ZNF200: variants seen among roughly 807,000 people sequenced by gnomAD.
ZNF200 encodes the protein zinc finger protein 200.
ZNF200 carries 35 observed loss-of-function variants against 33.6 expected under a neutral mutation model. The observed-to-expected ratio is 1.04, with a 90% CI of 0.80 to 1.38. The LOEUF is 1.38. ZNF200 is among the 40% of genes most tolerant of loss of function. The pLI, the probability that ZNF200 is intolerant of heterozygous loss-of-function variation, is 0.00. For synonymous variants in ZNF200, 209 were observed against 167.7 expected, an observed-to-expected ratio of 1.25 and a Z score of -1.90; for missense variants, 592 against 470.6, an observed-to-expected ratio of 1.26 and a Z score of -2.39.
intron 3 of ZNF200, 92 bp downstream of exon 3, chr16:3,232,741 A>G (rs968420690): frequency 6.2e-6 from 9 of 1,462,158 alleles, no homozygotes; most frequent in South Asian, 1.2e-5. Context: ...AACACCCAAG[A>G]AGGCCAACTC....
chr16:3,233,539 T>G lies in ZNF200; in HGVS notation c.217A>C (p.Met73Leu). 1 of 1,578,818 alleles carries G rather than the reference T, an allele frequency of 6.3e-7. No individual in the cohort carries two copies. The highest frequency in any genetic ancestry group is 8.6e-7 in the Non-Finnish European group (1 of 1,163,520). ...SQKVKETLVIMKDVSSSLQNR... is the reference protein window; with the variant it reads ...SQKVKETLVILKDVSSSLQNR... The stretch of plus-strand genomic sequence containing the variant: ...TGAAGGCTTGAGCTCACATCTTTCA[T>G]AATAACCAAGGTCTCCTTGACTTTC... The change falls in exon 2 of 5, where the codon ATG becomes CTG. Residue 73 changes from methionine (M) to leucine (L), a missense_variant. Physicochemically the swap from Met to Leu is conservative, Grantham distance 15. Transcript: ENST00000414144.
chr16:3,224,327 C>T lies in ZNF200; in HGVS notation c.753G>A (p.Trp251Ter), dbSNP rs769461560. Residue 251 changes from tryptophan to a stop codon, truncating the protein, a stop_gained, in exon 5 of 5, where the codon TGG becomes TGA. Transcript: ENST00000414144. LOFTEE classifies it high-confidence loss of function. ...ALTRNRRTRR[W>*]YTCPLCGKQF... is the part of the protein sequence containing the mutation. ...GTTTCCCACACAGTGGACAAGTGTA[C>T]CATCTCCTTGTCCTCCGATTTCGAG... 1.1e-5 allele frequency: 17 copies of T among 1,614,150 alleles called. No individual in the cohort carries two copies. The highest frequency in any genetic ancestry group is 1.4e-5 in the Non-Finnish European group (17 of 1,180,004).
intron 4 of ZNF200, among the ~76,000 whole-genome samples, chr16:3,230,035 C>T (rs543605398): frequency 1.6e-4 from 25 of 152,272 alleles, no homozygotes; most frequent in Non-Finnish European, 2.8e-4. Context: ...TTGATGCCAC[C>T]TCAAAATAAT....
At position 3,223,880 on chromosome 16, in the gene ZNF200, G is replaced by A; in HGVS notation, c.*12C>T. 6.3e-7 allele frequency: 1 copy of A among 1,595,318 alleles called. No individual in the cohort carries two copies. The highest frequency in any genetic ancestry group is 1.1e-5 in the South Asian group (1 of 88,432). On this transcript the variant is annotated 3_prime_UTR_variant, in exon 5 of 5. Coordinates refer to ENST00000414144, the MANE Select transcript of ZNF200 (RefSeq NM_198088.3). ...GAGGCAGCACCATCAGACCCAGAAA[G>A]GGTTCCCAGTATTACTTCTGCTTTC...
chr16:3,224,048 G>C lies in ZNF200; in HGVS notation c.1032C>G (p.Thr344=). The stretch of plus-strand genomic sequence containing the variant: ...GCACAAACTCCTCATTCTTTGGGAA[G>C]GTTTTCCCACATTCTGGACACTTAA... ...KIFKCPECGK[T]FPKNEEFVLH... The change falls in exon 5 of 5, where the codon ACC becomes ACG. Residue 344 remains threonine, a synonymous_variant. Transcript: ENST00000414144. 6.2e-7 allele frequency: 1 copy of C among 1,614,152 alleles called. No individual in the cohort carries two copies. Among genetic ancestry groups the C allele is most frequent in the African/African-American group, 1.3e-5 (1 of 75,036 alleles).
intron 4 of ZNF200, among the ~76,000 whole-genome samples, chr16:3,229,875 AG>A (rs1156263797): frequency 1.4e-3 from 217 of 150,178 alleles, no homozygotes; most frequent in Non-Finnish European, 2.2e-3. Flanking sequence ...AAAAAAAAAA[AG>A]AAGGAAACTT....
intron 4 of ZNF200, chr16:3,225,500 C>T (rs934334713): frequency 6.6e-6 from 1 of 152,064 alleles, no homozygotes; most frequent in African/African-American, 2.4e-5. Flanking sequence ...ACTAATGAAG[C>T]TTTGGGATTA....
chr16:3,228,376 G>C (rs377302813), intron 4 of ZNF200, among the ~76,000 whole-genome samples: 1 of 151,952 alleles, frequency 6.6e-6, no homozygotes, highest in African/African-American at 2.4e-5. Flanking sequence ...TTTGTTAAAT[G>C]TTCTTATAAA....
At chr16:3,224,762 T>G in intron 4 of ZNF200, 149 bp from the exon 5 acceptor site, 2 of 955,984 alleles carry the variant, frequency 2.1e-6, no homozygotes, top group South Asian at 3.5e-5. Context: ...CCATACTTAT[T>G]GAGGGTGGGA....
Position 3,224,018 on chromosome 16 carries a change from A to G in ZNF200, c.1062T>C (p.His354=). The G allele has an allele frequency of 6.2e-7, 1 of 1,614,188 alleles. No homozygotes were observed. Among genetic ancestry groups the G allele is most frequent in the Non-Finnish European group, 8.5e-7 (1 of 1,180,036 alleles). Residue 354 remains histidine (H), a synonymous_variant, in exon 5 of 5, where the codon CAT becomes CAC. Transcript: ENST00000414144. ...TFPKNEEFVL[H]LQSHEAERPY... is the part of the protein sequence containing the mutation. ...GTCTCTCAGCCTCATGACTCTGCAG[A>G]TGAAGCACAAACTCCTCATTCTTTG...
Position 3,223,534 on chromosome 16 carries a change from A to C in ZNF200, c.*358T>G, listed in dbSNP as rs1958383439. On this transcript the variant is annotated 3_prime_UTR_variant, in exon 5 of 5. Transcript: ENST00000414144. ...GTATGAATCCCCATGTGGGGGGAAA[A>C]CGGATATACTTTCAATAGACACAAG... The C allele has an allele frequency of 1.1e-5, 2 of 180,646 alleles. No individual in the cohort carries two copies. Among genetic ancestry groups the C allele is most frequent in the Admixed American group, 5.9e-5 (1 of 17,076 alleles). The allele number at this position is 180,646 out of a possible 1,614,324, so 11.2% of individuals were successfully genotyped here.
chr16:3,229,287 G>T (rs2141631169), intron 4 of ZNF200, among the ~76,000 whole-genome samples: 1 of 152,086 alleles, frequency 6.6e-6, no homozygotes, highest in East Asian at 1.9e-4. Flanking sequence ...GCTCATAAGA[G>T]AGCTCATGGC....
rs77243237 is a variant in ZNF200 at position 3,233,359 on chromosome 16, G to T, written c.250+147C>A. On this transcript the variant is annotated intron_variant, in intron 2 of 4. Transcript: ENST00000414144. ...GTGGCCTTACTCACACCCAGCACTT[G>T]AGAAGAACTTCCTCTTTCCAACACT... The T allele has an allele frequency of 3.5e-6, 4 of 1,150,620 alleles. No individual in the cohort carries two copies. The African/African-American group carries it at 6.3e-5, about 18-fold the overall frequency. 71.3% of individuals were successfully genotyped at this position (1,150,620 alleles called of 1,614,324 possible).
chr16:3,230,116 T>C (rs1233963704), intron 4 of ZNF200, among the ~76,000 whole-genome samples: 2 of 152,206 alleles, frequency 1.3e-5, no homozygotes, highest in Non-Finnish European at 2.9e-5. Flanking sequence ...CCTACTCTCT[T>C]TCTTCCTCTC....
At position 3,233,825 on chromosome 16, in the gene ZNF200, CAG is replaced by C; in HGVS notation, c.-72_-71del. On this transcript the variant is annotated 5_prime_UTR_variant, in exon 2 of 5. Transcript: ENST00000414144. ...CCACCTCTTACTAGAGGAAATCTGCCAGAGAGCCAAGCTGTAGACAGAGAAAC... is the reference window on the plus strand; with the variant it reads ...CCACCTCTTACTAGAGGAAATCTGCCAGAGCCAAGCTGTAGACAGAGAAAC... The C allele has an allele frequency of 6.5e-7, 1 of 1,532,274 alleles. No homozygotes were observed. 94.9% of individuals were successfully genotyped at this position (1,532,274 alleles called of 1,614,324 possible).
In ZNF200 at chr16:3,233,678, C is replaced by T. The variant is rs1958708734; in HGVS notation, c.78G>A (p.Lys26=). 6.2e-7 allele frequency: 1 copy of T among 1,613,868 alleles called. No individual in the cohort carries two copies. The stretch of plus-strand genomic sequence containing the variant: ...CATCTCGAAGTAGGTCTTGGCCCAG[C>T]TTGGAGTCTGGCGGAACTCTCAGTA... The part of the protein sequence containing the change: ...SFILRVPPDS[K]LGQDLLRDAT... The change falls in exon 2 of 5, where the codon AAG becomes AAA. Residue 26 remains lysine (K), a synonymous_variant. Transcript: ENST00000414144.
intron 4 of ZNF200, among the ~76,000 whole-genome samples, chr16:3,229,998 C>CA (rs1396624636): frequency 8.5e-5 from 13 of 152,218 alleles, no homozygotes; most frequent in Non-Finnish European, 4.4e-5. Context: ...GTGTCTGCAT[C>CA]ATGTGGGTAG....
At position 3,224,077 on chromosome 16, in the gene ZNF200, T is replaced by C; in HGVS notation, c.1003A>G (p.Ile335Val). The C allele has an allele frequency of 6.2e-7, 1 of 1,614,216 alleles. No individual in the cohort carries two copies. The highest frequency in any genetic ancestry group is 8.5e-7 in the Non-Finnish European group (1 of 1,180,040). ...TTCCCACATTCTGGACACTTAAATATCTTCTCCCTTATATGGATTCCTTCA... is the reference window on the plus strand; with the variant it reads ...TTCCCACATTCTGGACACTTAAATACCTTCTCCCTTATATGGATTCCTTCA... ...RHEGIHIREK[I>V]FKCPECGKTF... The change falls in exon 5 of 5, where the codon ATA becomes GTA. Residue 335 changes from isoleucine to valine, a missense_variant. Ile to Val is a conservative substitution (Grantham distance 29). Transcript: ENST00000414144.
In ZNF200 at chr16:3,233,692, G is replaced by GA; in HGVS notation, c.63dup (p.Pro22SerfsTer16). Reference sequence around the variant, plus strand: ...TCTTGGCCCAGCTTGGAGTCTGGCGGAACTCTCAGTATAAAGGACTGCTTT... The same window carrying GA: ...TCTTGGCCCAGCTTGGAGTCTGGCGGAAACTCTCAGTATAAAGGACTGCTTT... On this transcript the variant is annotated frameshift_variant, in exon 2 of 5. Coordinates refer to ENST00000414144, the MANE Select transcript of ZNF200 (RefSeq NM_198088.3). LOFTEE classifies it high-confidence loss of function. The GA allele has an allele frequency of 1.2e-6, 2 of 1,613,766 alleles. No homozygotes were observed. Among genetic ancestry groups the GA allele is most frequent in the Non-Finnish European group, 1.7e-6 (2 of 1,179,960 alleles).
Sources: allele counts gnomAD v4.1 joint callset (sites outside exome capture counted in the v4.1 genomes callset), GRCh38; gene constraint gnomAD v4.1.1; transcripts MANE v1.5; gene names NCBI Gene and HGNC (gene_info 2026-07-23, HGNC 2026-07-21).